The following ZFYVE16 variants were observed in gnomAD, a reference collection of about 807,000 sequenced individuals.
ZFYVE16 encodes zinc finger FYVE domain-containing protein 16.
Under a neutral mutation model 138.1 loss-of-function variants are expected in ZFYVE16, and 89 were observed. That is an observed-to-expected ratio of 0.64 (90% CI 0.54 to 0.77). The LOEUF (loss-of-function observed/expected upper bound fraction) is 0.77, where lower values mean the gene tolerates loss of function less well. Ranked by LOEUF, ZFYVE16 falls within the 30% of genes least tolerant of loss-of-function variation. The pLI is 0.00. For missense variants in ZFYVE16, 1,793 were observed against 1,786.7 expected (o/e 1.00, Z -0.06); for synonymous variants, 596 against 618.3 (o/e 0.96, Z 0.53).
chr5:80,419,144 C>A (rs1746705046), intron 1 of ZFYVE16, among the ~76,000 whole-genome samples: 1 of 149,198 alleles, frequency 6.7e-6, no homozygotes, highest in Admixed American at 6.7e-5. Context: ...GTGGTGTAAT[C>A]ATGGCTCTCT....
At chr5:80,456,424 G>A (rs1189532604) in intron 12 of ZFYVE16, 37 bp from the exon 13 acceptor site, 1 of 1,436,128 alleles carries the variant, frequency 7.0e-7, no homozygotes, top group Non-Finnish European at 9.7e-7. Flanking sequence ...AAATACTCAT[G>A]GTTAGTAGTT....
rs974605030 is a variant in ZFYVE16, at chr5:80,478,814, A to G, written c.*1437A>G. On this transcript the variant is annotated 3_prime_UTR_variant, in exon 19 of 19. Transcript: ENST00000505560. ...CATCTGTAGTACTTAGCCAAAGACA[A>G]TTTGGAGGAGAATATCAGCCTTCTG... 1 of 152,122 alleles carries G rather than the reference A, an allele frequency of 6.6e-6. No individual in the cohort carries two copies. Among genetic ancestry groups the G allele is most frequent in the Non-Finnish European group, 1.5e-5 (1 of 67,982 alleles). The allele number at this position is 152,122 out of a possible 1,614,324, so 9.4% of individuals were successfully genotyped here.
At chr5:80,424,969 A>G (rs1309602217) in intron 1 of ZFYVE16, among the ~76,000 whole-genome samples, 1 of 152,110 alleles carries the variant, frequency 6.6e-6, no homozygotes, top group African/African-American at 2.4e-5. Flanking sequence ...TTTGAAAGCG[A>G]CCTTTGCTCT....
Position 80,437,478 on chromosome 5 carries a change from A to C in ZFYVE16, c.793A>C (p.Lys265Gln). 1 of 1,608,874 alleles carries C rather than the reference A, an allele frequency of 6.2e-7. No individual in the cohort carries two copies. The highest frequency in any genetic ancestry group is 1.1e-5 in the South Asian group (1 of 90,360). Residue 265 changes from lysine to glutamine, a missense_variant, in exon 4 of 19, where the codon AAG becomes CAG. Coordinates refer to ENST00000505560, the MANE Select transcript of ZFYVE16 (RefSeq NM_001284236.3). Reference protein sequence around the residue: ...MFHAKDKLQHKSQPCGLLKDV... With the variant: ...MFHAKDKLQHQSQPCGLLKDV... ...TCATGCCAAAGACAAGCTACAACACAAGAGCCAGCCATGTGGATTACTAAA... is the reference window on the plus strand; with the variant it reads ...TCATGCCAAAGACAAGCTACAACACCAGAGCCAGCCATGTGGATTACTAAA...
intron 14 of ZFYVE16, among the ~76,000 whole-genome samples, chr5:80,459,103 T>C (rs920719600): frequency 6.6e-6 from 1 of 152,146 alleles, no homozygotes; most frequent in South Asian, 2.1e-4. Flanking sequence ...AATTTTTGTA[T>C]TTTTAGTAGA....
Position 80,417,429 on chromosome 5 carries a change from T to G in ZFYVE16, c.-94+9276T>G, listed in dbSNP as rs191839671. Among the ~76,000 whole-genome samples, 945 of 152,314 alleles carry G rather than the reference T, an allele frequency of 6.2e-3. 10 individuals carry two copies. Among genetic ancestry groups the G allele is most frequent in the African/African-American group, 0.021 (873 of 41,548 alleles). On this transcript the variant is annotated intron_variant, in intron 1 of 18. Transcript: ENST00000505560. ...TTCTTTATGCTTTGAAGTTATATGG[T>G]TATTAACGTGATTATCTTATATTCA...
intron 2 of ZFYVE16, among the ~76,000 whole-genome samples, chr5:80,432,502 A>G (rs1283936507): frequency 6.6e-6 from 1 of 152,196 alleles, no homozygotes; most frequent in African/African-American, 2.4e-5. Context: ...AACCTAGGCA[A>G]TACCATTCAG....
In ZFYVE16 at chr5:80,477,528, A is replaced by T. The variant is rs1047263354; in HGVS notation, c.*151A>T. 5.1e-6 allele frequency: 3 copies of T among 587,880 alleles called. No homozygotes were observed. The highest frequency in any genetic ancestry group is 7.9e-6 in the Non-Finnish European group (3 of 381,034). The allele number at this position is 587,880 out of a possible 1,614,324, so 36.4% of individuals were successfully genotyped here. A position where few individuals can be genotyped will look rare whatever the true frequency, so the allele number is the denominator to read the frequency against. On this transcript the variant is annotated 3_prime_UTR_variant, in exon 19 of 19. Transcript: ENST00000505560. The stretch of plus-strand genomic sequence containing the variant: ...TCTTTAGGCAGGAATGATCTTTTCA[A>T]ATCATTAGCACAATATTTAAATATC...
At chr5:80,456,325 C>A in intron 12 of ZFYVE16, 136 bp from the exon 13 acceptor site, 1 of 643,476 alleles carries the variant, frequency 1.6e-6, no homozygotes, top group Non-Finnish European at 2.6e-6. Flanking sequence ...AGAAAGTTAC[C>A]CTAAATACTA....
chr5:80,455,562 T>C, intron 11 of ZFYVE16, 130 bp from the exon 12 acceptor site: 1 of 767,314 alleles, frequency 1.3e-6, no homozygotes, highest in South Asian at 1.7e-5. Context: ...ATCTCTCACT[T>C]TCCCCTAAGA....
At position 80,421,563 on chromosome 5, in the gene ZFYVE16, A is replaced by G. The variant is rs562901567; in HGVS notation, c.-93-5929A>G. 3.5e-4 allele frequency among the ~76,000 whole-genome samples: 54 copies of G among 152,200 alleles called. No individual in the cohort carries two copies. In the East Asian group the frequency reaches 9.8e-3, roughly 28 times the overall value. On this transcript the variant is annotated intron_variant, in intron 1 of 18. Transcript: ENST00000505560. ...TTATTAAATAGGGAATCCTTTCCCC[A>G]TTTCTTGTTTTTATCAGGTTTGTCA... is the stretch of plus-strand genomic sequence containing the variant.
At chr5:80,466,145 C>T (rs1204999296) in intron 15 of ZFYVE16, among the ~76,000 whole-genome samples, 9 of 151,942 alleles carry the variant, frequency 5.9e-5, no homozygotes, top group Non-Finnish European at 1.0e-4. Context: ...AGGCTGGTCT[C>T]GAACTCCTGA....
At chr5:80,432,920 A>G (rs1026290515) in intron 2 of ZFYVE16, among the ~76,000 whole-genome samples, 135 of 152,346 alleles carry the variant, frequency 8.9e-4, no homozygotes, top group South Asian at 8.5e-3. Flanking sequence ...TAGAATGGCG[A>G]TCCTTAAAAA....
intron 5 of ZFYVE16, chr5:80,440,932 C>A (rs1750641072): frequency 1.0e-6 from 1 of 985,284 alleles, no homozygotes; most frequent in African/African-American, 1.7e-5. Flanking sequence ...CCAAAAAGCT[C>A]TGATGTGAGT....
intron 8 of ZFYVE16, 141 bp downstream of exon 8, chr5:80,448,545 CTTA>C (rs1751642145): frequency 6.5e-6 from 5 of 775,142 alleles, no homozygotes; most frequent in East Asian, 6.5e-5. Context: ...TACAGAAAGT[CTTA>C]TTATATAAAA....
intron 14 of ZFYVE16, among the ~76,000 whole-genome samples, 187 bp from the exon 15 acceptor site, chr5:80,459,227 C>T (rs560067789): frequency 5.9e-5 from 9 of 152,236 alleles, no homozygotes; most frequent in South Asian, 4.2e-4. Context: ...CGCGCCCAGC[C>T]GCATTAAATT....
intron 15 of ZFYVE16, among the ~76,000 whole-genome samples, chr5:80,459,805 C>T (rs977650101): frequency 1.3e-5 from 2 of 152,134 alleles, no homozygotes; most frequent in Non-Finnish European, 2.9e-5. Context: ...AATCATTCTT[C>T]ACATAGTTAT....
chr5:80,463,385 A>G (rs1451795681), intron 15 of ZFYVE16, among the ~76,000 whole-genome samples: 2 of 152,138 alleles, frequency 1.3e-5, no homozygotes, highest in Non-Finnish European at 2.9e-5. Flanking sequence ...GGCCTGAGCT[A>G]TATTTTGGCC....
intron 1 of ZFYVE16, among the ~76,000 whole-genome samples, chr5:80,410,722 C>T (rs1745305477): frequency 6.6e-6 from 1 of 151,896 alleles, no homozygotes; most frequent in Non-Finnish European, 1.5e-5. Context: ...AGGCACGCGC[C>T]CCCATGCCCA....
Sources: gnomAD v4.1 joint callset for allele counts (sites outside exome capture counted in the v4.1 genomes callset) on GRCh38, gnomAD v4.1.1 for gene constraint, MANE v1.5 for transcripts, NCBI Gene and HGNC (gene_info 2026-07-23, HGNC 2026-07-21) for gene names.